SAMD3: variants seen among roughly 807,000 people sequenced by gnomAD.
The protein encoded by SAMD3 is sterile alpha motif domain containing 3, also known as sterile alpha motif domain-containing protein 3.
A neutral mutation model predicts 58.5 loss-of-function variants in SAMD3; 63 were observed. The observed-to-expected ratio is 1.08, with a 90% CI of 0.88 to 1.33. The LOEUF is 1.33. SAMD3 is among the 40% of genes most tolerant of loss of function. SAMD3 has a pLI of 0.00. For synonymous variants in SAMD3, 220 were observed against 210.3 expected (o/e 1.05, Z -0.40); for missense variants, 604 against 608.4 (o/e 0.99, Z 0.08).
intron 2 of SAMD3, among the ~76,000 whole-genome samples, chr6:130,258,912 A>G (rs1353608440): frequency 6.6e-6 from 1 of 152,194 alleles, no homozygotes; most frequent in Non-Finnish European, 1.5e-5. Context: ...TATTAATAGT[A>G]CTGAATAAGA....
At chr6:130,297,275 C>T (rs1472383993) in intron 2 of SAMD3, among the ~76,000 whole-genome samples, 2 of 152,144 alleles carry the variant, frequency 1.3e-5, no homozygotes, top group East Asian at 3.8e-4. Context: ...ACCAATGAAC[C>T]CATATAGAGT....
intron 2 of SAMD3, among the ~76,000 whole-genome samples, chr6:130,309,610 C>T (rs1446753316): frequency 1.3e-5 from 2 of 152,148 alleles, no homozygotes; most frequent in Admixed American, 1.3e-4. Context: ...GCGCATCTAG[C>T]CACCAAGCAG....
intron 2 of SAMD3, among the ~76,000 whole-genome samples, chr6:130,232,061 G>A (rs544194513): frequency 2.6e-5 from 4 of 152,154 alleles, no homozygotes; most frequent in African/African-American, 9.6e-5. Context: ...GGCTACTGTA[G>A]TAGACATTAC....
intron 9 of SAMD3, among the ~76,000 whole-genome samples, chr6:130,147,945 G>A (rs1394910893): frequency 2.6e-5 from 4 of 152,220 alleles, no homozygotes; most frequent in African/African-American, 9.6e-5. Context: ...GTGTCCGGAA[G>A]CACAAAATGG....
chr6:130,253,509 C>A (rs117305263), intron 2 of SAMD3, among the ~76,000 whole-genome samples: 3 of 152,076 alleles, frequency 2.0e-5, no homozygotes, highest in Non-Finnish European at 4.4e-5. Context: ...CAATGTGATC[C>A]ATTTTCTTGT....
At chr6:130,157,959 TAAATTGC>T (rs1441859958) in intron 8 of SAMD3, among the ~76,000 whole-genome samples, 1 of 147,036 alleles carries the variant, frequency 6.8e-6, no homozygotes, top group Non-Finnish European at 1.5e-5. Flanking sequence ...AAAAAAAAAT[TAAATTGC>T]AAAAAAAACC....
Position 130,303,374 on chromosome 6 carries a change from C to A in SAMD3, c.-188+9604G>T, listed in dbSNP as rs527482063. Among the ~76,000 whole-genome samples the A allele has an allele frequency of 3.3e-5, 5 of 152,320 alleles. No individual in the cohort carries two copies. The South Asian group carries it at 1.0e-3, about 32-fold the overall frequency. On this transcript the variant is annotated intron_variant, in intron 2 of 13. Transcript: ENST00000368134. ...TCTGTTGAGGTCTGAACTAAAGCAG[C>A]TAGTGTCTATTGTAATGGAGCCAAT...
At chr6:130,262,200 C>T (rs907183615) in intron 2 of SAMD3, among the ~76,000 whole-genome samples, 3 of 151,986 alleles carry the variant, frequency 2.0e-5, no homozygotes, top group Admixed American at 6.6e-5. Flanking sequence ...GGGCATATCT[C>T]GAAAGCACTG....
intron 2 of SAMD3, among the ~76,000 whole-genome samples, chr6:130,228,846 C>T (rs1796458975): frequency 6.6e-6 from 1 of 152,238 alleles, no homozygotes; most frequent in South Asian, 2.1e-4. Context: ...TTCTTCCTCA[C>T]TGCCACCTCT....
intron 5 of SAMD3, among the ~76,000 whole-genome samples, chr6:130,203,474 A>G (rs989510391): frequency 6.6e-6 from 1 of 152,164 alleles, no homozygotes; most frequent in Non-Finnish European, 1.5e-5. Flanking sequence ...ACTAATACAT[A>G]TACTTACTGC....
chr6:130,168,360 A>G (rs1790914796), intron 8 of SAMD3, among the ~76,000 whole-genome samples: 1 of 152,122 alleles, frequency 6.6e-6, no homozygotes, highest in South Asian at 2.1e-4. Flanking sequence ...GCTTGAATCC[A>G]GGAGGCAGAG....
intron 2 of SAMD3, among the ~76,000 whole-genome samples, chr6:130,261,268 T>C (rs1317651350): frequency 8.9e-6 from 1 of 112,798 alleles, no homozygotes; most frequent in Non-Finnish European, 1.7e-5. Context: ...CTTGGGAACT[T>C]GCCTACTCCA....
chr6:130,253,519 T>C (rs993189122), intron 2 of SAMD3, among the ~76,000 whole-genome samples: 1 of 152,208 alleles, frequency 6.6e-6, no homozygotes, highest in Non-Finnish European at 1.5e-5. Flanking sequence ...CATTTTCTTG[T>C]CTTATTTGCA....
Position 130,277,631 on chromosome 6 carries a change from TCAAGGATCTTTTTATGAATG to T in SAMD3, c.-188+35327_-188+35346del, listed in dbSNP as rs1774825384. Among the ~76,000 whole-genome samples the T allele has an allele frequency of 3.9e-5, 6 of 152,316 alleles. No individual in the cohort carries two copies. The South Asian group carries it at 1.2e-3, about 32-fold the overall frequency. On this transcript the variant is annotated intron_variant, in intron 2 of 13. Transcript: ENST00000368134. ...AGGAATAACTTAGGTGTCACTTCTT[TCAAGGATCTTTTTATGAATG>T]CCCCAGGTACAGATTGGATGTTCTT...
rs201344515 is a variant in SAMD3 at position 130,213,314 on chromosome 6, T to TC, written c.269+1022_269+1023insG. On this transcript the variant is annotated intron_variant, in intron 4 of 11. Transcript: ENST00000439090. ...CCCATCTCTAAAAAAAACAAAAAGC[T>TC]TTTTTTTTTTTAAAAAAAATCAATT... Among the ~76,000 whole-genome samples the TC allele has an allele frequency of 2.2e-3, 267 of 124,154 alleles. 3 individuals are homozygous for TC. The highest frequency in any genetic ancestry group is 4.5e-3 in the Admixed American group (57 of 12,624). The allele number at this position is 124,154 out of a possible 152,430, so 81.4% of individuals were successfully genotyped here.
intron 1 of SAMD3, among the ~76,000 whole-genome samples, chr6:130,333,686 A>G (rs1198274897): frequency 6.6e-6 from 1 of 152,200 alleles, no homozygotes; most frequent in Non-Finnish European, 1.5e-5. Context: ...AAGCTCTTGT[A>G]CTGTCCGACA....
chr6:130,195,222 C>T (rs944632498), intron 5 of SAMD3, among the ~76,000 whole-genome samples: 4 of 152,096 alleles, frequency 2.6e-5, no homozygotes, highest in African/African-American at 9.7e-5. Flanking sequence ...TATCCCCCTA[C>T]CTTAACCCAC....
chr6:130,240,814 A>G (rs1773329625), intron 2 of SAMD3, among the ~76,000 whole-genome samples: 1 of 152,170 alleles, frequency 6.6e-6, no homozygotes, highest in Non-Finnish European at 1.5e-5. Flanking sequence ...ACCGGATGCC[A>G]GTTCCTTGTT....
At chr6:130,329,160 G>A (rs924458292) in intron 1 of SAMD3, among the ~76,000 whole-genome samples, 2 of 150,250 alleles carry the variant, frequency 1.3e-5, no homozygotes, top group Non-Finnish European at 2.9e-5. Context: ...TTTGAATTTA[G>A]CAGACCATAT....
Sources: gnomAD v4.1 joint callset for allele counts (sites outside exome capture counted in the v4.1 genomes callset) on GRCh38, gnomAD v4.1.1 for gene constraint, MANE v1.5 for transcripts, NCBI Gene and HGNC (gene_info 2026-07-23, HGNC 2026-07-21) for gene names.